CFAP20DC: variants seen among roughly 807,000 people sequenced by gnomAD.
CFAP20DC encodes protein CFAP20DC.
CFAP20DC carries 84 observed loss-of-function variants against 101.7 expected under a neutral mutation model. The ratio of observed to expected loss-of-function variants is 0.83; its 90% confidence interval spans 0.69 to 0.99. The LOEUF (loss-of-function observed/expected upper bound fraction) is 0.99. Ranked by LOEUF, CFAP20DC falls within the 50% of genes least tolerant of loss-of-function variation. The pLI is 0.00. For synonymous variants in CFAP20DC, 359 were observed against 351.2 expected (o/e 1.02, Z -0.25); for missense variants, 1,007 against 970.3 (o/e 1.04, Z -0.50).
chr3:58,919,325 T>G (rs1231203153), intron 5 of CFAP20DC, among the ~76,000 whole-genome samples: 1 of 152,190 alleles, frequency 6.6e-6, no homozygotes, highest in Non-Finnish European at 1.5e-5. Flanking sequence ...TCTTCTGTTT[T>G]GAACAGTTAG....
chr3:58,890,255 G>A (rs1056234715), intron 6 of CFAP20DC, among the ~76,000 whole-genome samples: 6 of 149,596 alleles, frequency 4.0e-5, no homozygotes, highest in African/African-American at 9.8e-5. Flanking sequence ...AGTAGGGGCC[G>A]CCGGGCAGAG....
chr3:58,798,452 T>TG (rs1451624848), intron 15 of CFAP20DC, among the ~76,000 whole-genome samples: 1 of 152,212 alleles, frequency 6.6e-6, no homozygotes, highest in Non-Finnish European at 1.5e-5. Flanking sequence ...CCTGAATAGA[T>TG]GAGGAACTGC....
At position 58,874,346 on chromosome 3, in the gene CFAP20DC, G is replaced by T. The variant is rs2080551862; in HGVS notation, c.716-4037C>A. ...CTGTGTGACTTACTGTGTCCACGCTGGTGCCCCATGCCATCCCTCCTCCAA... is the reference window on the plus strand; with the variant it reads ...CTGTGTGACTTACTGTGTCCACGCTTGTGCCCCATGCCATCCCTCCTCCAA... On this transcript the variant is annotated intron_variant, in intron 7 of 16. Transcript: ENST00000482387. This position sits in a 1 kb window ranked among gnomAD's most constrained non-coding sequence, Gnocchi z 5.1. Among the ~76,000 whole-genome samples the T allele has an allele frequency of 6.6e-6, 1 of 152,158 alleles. No homozygotes were observed. Among genetic ancestry groups the T allele is most frequent in the African/African-American group, 2.4e-5 (1 of 41,430 alleles).
At chr3:58,982,733 G>C (rs2092610961) in intron 4 of CFAP20DC, among the ~76,000 whole-genome samples, 1 of 148,112 alleles carries the variant, frequency 6.8e-6, no homozygotes. Context: ...GGGAGGGATA[G>C]CATTAGGAGA....
intron 15 of CFAP20DC, among the ~76,000 whole-genome samples, chr3:58,804,805 T>C (rs945163179): frequency 1.5e-4 from 23 of 152,220 alleles, no homozygotes; most frequent in Admixed American, 1.4e-3. Flanking sequence ...TATTGAGAGA[T>C]AGCTAATTCT....
chr3:58,814,851 T>C (rs906161529), intron 14 of CFAP20DC, among the ~76,000 whole-genome samples: 11 of 150,164 alleles, frequency 7.3e-5, no homozygotes, highest in African/African-American at 2.5e-4. Context: ...CTCAAGGAAA[T>C]AAAAGAGGAT....
rs565744230 is a variant in CFAP20DC at position 58,942,375 on chromosome 3, G to A, written c.279-4613C>T. 5.9e-5 allele frequency among the ~76,000 whole-genome samples: 9 copies of A among 152,280 alleles called. No homozygotes were observed. In the East Asian group the frequency reaches 7.7e-4, roughly 13 times the overall value. ...TTCTGCATTTCCAACTGAGGTACCCGGCTCATTTCACTGGGACTGGTTAGA... is the reference window on the plus strand; with the variant it reads ...TTCTGCATTTCCAACTGAGGTACCCAGCTCATTTCACTGGGACTGGTTAGA... On this transcript the variant is annotated intron_variant, in intron 4 of 16. Coordinates refer to ENST00000482387, the MANE Select transcript of CFAP20DC (RefSeq NM_001394063.1).
intron 3 of CFAP20DC, among the ~76,000 whole-genome samples, chr3:58,719,250 G>C (rs1002261833): frequency 1.3e-5 from 2 of 152,050 alleles, no homozygotes; most frequent in Admixed American, 6.6e-5. Flanking sequence ...CTCAACAAAA[G>C]AAAAATGCTG....
At chr3:58,743,982 C>T (rs1036575530) in intron 16 of CFAP20DC, among the ~76,000 whole-genome samples, 1 of 152,132 alleles carries the variant, frequency 6.6e-6, no homozygotes, top group Admixed American at 6.5e-5. Context: ...AGAAACAATC[C>T]CTATTCTAAT....
Position 58,867,925 on chromosome 3 carries a change from G to A in CFAP20DC, c.1027C>T (p.His343Tyr), listed in dbSNP as rs2079830230. The change falls in exon 10 of 17, where the codon CAT becomes TAT. Residue 343 changes from histidine to tyrosine, a missense_variant. By Grantham distance (83) the His-to-Tyr change is moderately conservative. Transcript: ENST00000482387. The part of the protein sequence containing the change: ...QTVPIHAANL[H>Y]IMHPHPPQEP... ...TGAGGGGGATGCGGATGCATAATATGTAGATTGGCTGCTACATTTTCATAT... is the reference window on the plus strand; with the variant it reads ...TGAGGGGGATGCGGATGCATAATATATAGATTGGCTGCTACATTTTCATAT... 11 of 1,609,732 alleles carry A rather than the reference G, an allele frequency of 6.8e-6. No individual in the cohort carries two copies. The highest frequency in any genetic ancestry group is 2.2e-5 in the East Asian group (1 of 44,786).
At chr3:58,745,624 A>C (rs1305973357) in intron 16 of CFAP20DC, among the ~76,000 whole-genome samples, 5 of 152,198 alleles carry the variant, frequency 3.3e-5, no homozygotes, top group African/African-American at 1.2e-4. Context: ...TATGCATAAC[A>C]CAGCACACAT....
chr3:58,900,628 A>G (rs910748119), intron 6 of CFAP20DC, among the ~76,000 whole-genome samples: 1 of 152,218 alleles, frequency 6.6e-6, no homozygotes, highest in African/African-American at 2.4e-5. Context: ...GAAAGCATGT[A>G]ATGTTGGCTG....
At chr3:58,984,955 G>C (rs902831663) in intron 4 of CFAP20DC, among the ~76,000 whole-genome samples, 3 of 152,124 alleles carry the variant, frequency 2.0e-5, no homozygotes, top group Admixed American at 6.6e-5. Flanking sequence ...ACCCAGGCTA[G>C]AGTGGCATGA....
chr3:58,889,698 G>T (rs1435399190), intron 6 of CFAP20DC, among the ~76,000 whole-genome samples: 1 of 135,846 alleles, frequency 7.4e-6, no homozygotes, highest in Non-Finnish European at 1.6e-5. Flanking sequence ...AGGACCCTGC[G>T]GCCTTCCGCA....
chr3:58,966,083 G>A (rs1274127928), intron 4 of CFAP20DC, among the ~76,000 whole-genome samples: 1 of 152,220 alleles, frequency 6.6e-6, no homozygotes, highest in Admixed American at 6.5e-5. Flanking sequence ...ACAGGGCCTT[G>A]GGGCTGGCAA....
chr3:58,919,890 GTTGTT>G (rs1303465084), intron 5 of CFAP20DC, among the ~76,000 whole-genome samples: 1 of 151,932 alleles, frequency 6.6e-6, no homozygotes, highest in East Asian at 1.9e-4. Flanking sequence ...ACTCTAGTAG[GTTGTT>G]TTGTTTTTAT....
chr3:58,992,687 C>T (rs2092980728), intron 4 of CFAP20DC: 1 of 344,296 alleles, frequency 2.9e-6, no homozygotes. Context: ...AAATTTAGTA[C>T]ATATTTTAAT....
rs570964326 is a variant in CFAP20DC, at chr3:59,002,796, C to A, written c.278+36761G>T. Among the ~76,000 whole-genome samples, 24 of 152,278 alleles carry A rather than the reference C, an allele frequency of 1.6e-4. No individual in the cohort carries two copies. In the East Asian group the frequency reaches 3.9e-3, roughly 25 times the overall value. ...GAGAGCATTTGTGACCTTCTTTTAA[C>A]AAGAACTAGTATTTGCCTAGTTTGA... On this transcript the variant is annotated intron_variant, in intron 4 of 16. Coordinates refer to ENST00000482387, the MANE Select transcript of CFAP20DC (RefSeq NM_001394063.1). This position sits in a 1 kb window ranked among gnomAD's most constrained non-coding sequence, Gnocchi z 4.5.
In CFAP20DC at chr3:58,969,067, G is replaced by A. The variant is rs1039804890; in HGVS notation, c.279-31305C>T. ...TCTCTATTCTCCTCCACTGGTCTGT[G>A]TGCCTGTTTTTGTACCAGTACCATG... On this transcript the variant is annotated intron_variant, in intron 4 of 16. Transcript: ENST00000482387. Among the ~76,000 whole-genome samples, 5 of 152,098 alleles carry A rather than the reference G, an allele frequency of 3.3e-5. No homozygotes were observed. In the East Asian group the frequency reaches 5.8e-4, roughly 18 times the overall value.
Sources: gnomAD v4.1 joint callset for allele counts (sites outside exome capture counted in the v4.1 genomes callset) on GRCh38, gnomAD v4.1.1 for gene constraint, Gnocchi (gnomAD v3.1) non-coding constraint, MANE v1.5 for transcripts, NCBI Gene and HGNC (gene_info 2026-07-23, HGNC 2026-07-21) for gene names.